Variants in GSG1L observed in about 807,000 individuals in gnomAD.
GSG1L encodes the protein GSG1 like, also known as germ cell-specific gene 1-like protein.
Under a neutral mutation model 42.1 loss-of-function variants are expected in GSG1L, and 24 were observed. The observed-to-expected ratio is 0.57, with a 90% CI of 0.41 to 0.80. GSG1L has a LOEUF of 0.80. Among genes scored for constraint, GSG1L ranks in the 30% least tolerant of loss-of-function variants. GSG1L has a pLI of 0.00. For missense variants in GSG1L, 445 were observed against 472.2 expected (o/e 0.94, Z 0.53); for synonymous variants, 215 against 203.5 (o/e 1.06, Z -0.48).
At chr16:27,871,248 C>G (rs2083816766) in intron 3 of GSG1L, among the ~76,000 whole-genome samples, 1 of 152,184 alleles carries the variant, frequency 6.6e-6, no homozygotes, top group African/African-American at 2.4e-5. Flanking sequence ...CCACAATGCA[C>G]AGGCCAGCCC....
At chr16:27,840,033 T>G (rs1029019252) in intron 4 of GSG1L, among the ~76,000 whole-genome samples, 7 of 14,760 alleles carry the variant, frequency 4.7e-4, no homozygotes, top group African/African-American at 1.1e-3. Context: ...AACCTTAATC[T>G]TTTTTTTTTT....
chr16:27,987,687 G>A (rs536928678), intron 1 of GSG1L, among the ~76,000 whole-genome samples: 37 of 152,300 alleles, frequency 2.4e-4, no homozygotes, highest in African/African-American at 8.2e-4. Flanking sequence ...GGTGGCTCAC[G>A]CCTGTAATCC....
In GSG1L at chr16:27,876,218, G is replaced by A. The variant is rs554117588; in HGVS notation, c.550+8268C>T. On this transcript the variant is annotated intron_variant, in intron 3 of 6. Transcript: ENST00000447459. Reference sequence around the variant, plus strand: ...AACTGAACAGAAGGGGTTATGGGTGGGGGATTCTTTCAGCACAGGTGAAGG... The same window carrying A: ...AACTGAACAGAAGGGGTTATGGGTGAGGGATTCTTTCAGCACAGGTGAAGG... Among the ~76,000 whole-genome samples, 4 of 152,300 alleles carry A rather than the reference G, an allele frequency of 2.6e-5. No homozygotes were observed. The East Asian group carries it at 7.7e-4, about 29-fold the overall frequency.
At chr16:27,853,448 T>G (rs1406895972) in intron 3 of GSG1L, among the ~76,000 whole-genome samples, 1 of 152,182 alleles carries the variant, frequency 6.6e-6, no homozygotes, top group East Asian at 1.9e-4. Context: ...CGCTCCAATT[T>G]AAGCTAATTT....
At chr16:27,876,161 T>C (rs1476036773) in intron 3 of GSG1L, among the ~76,000 whole-genome samples, 1 of 152,202 alleles carries the variant, frequency 6.6e-6, no homozygotes, top group East Asian at 1.9e-4. Context: ...CTCTAAGCTA[T>C]GAGCAAGAAA....
intron 3 of GSG1L, among the ~76,000 whole-genome samples, chr16:27,870,041 TTC>T (rs1219290833): frequency 3.8e-5 from 5 of 132,992 alleles, no homozygotes; most frequent in Non-Finnish European, 3.2e-5. Context: ...CTCTGTCTCC[TTC>T]TCTCTCTCTG....
intron 1 of GSG1L, among the ~76,000 whole-genome samples, chr16:27,986,436 G>C (rs1486873394): frequency 6.6e-6 from 1 of 151,016 alleles, no homozygotes; most frequent in Non-Finnish European, 1.5e-5. Flanking sequence ...AACTCGGGAG[G>C]TGGAGGCTGC....
At chr16:28,031,533 T>C (rs2141175749) in intron 1 of GSG1L, among the ~76,000 whole-genome samples, 1 of 152,256 alleles carries the variant, frequency 6.6e-6, no homozygotes. Flanking sequence ...ACATTATTAT[T>C]TGCACTCACC....
rs763603749 is a variant in GSG1L, at chr16:28,054,450, G to A, written c.349+8626C>T. Among the ~76,000 whole-genome samples, 195 of 152,178 alleles carry A rather than the reference G, an allele frequency of 1.3e-3. 1 individual carries two copies. The highest frequency in any genetic ancestry group is 2.4e-3 in the Non-Finnish European group (166 of 67,998). The stretch of plus-strand genomic sequence containing the variant: ...TGGAGACCAGCCTGGCCAACATGGT[G>A]AAACTCCGTCTCTACTAAAAATACA... On this transcript the variant is annotated intron_variant, in intron 1 of 6. Coordinates refer to ENST00000447459, the MANE Select transcript of GSG1L (RefSeq NM_001109763.2).
chr16:28,032,759 C>G (rs527969838), intron 1 of GSG1L, among the ~76,000 whole-genome samples: 9 of 152,310 alleles, frequency 5.9e-5, no homozygotes, highest in African/African-American at 1.7e-4. Flanking sequence ...CTCTTCCCCT[C>G]TCACTCCACA....
intron 3 of GSG1L, among the ~76,000 whole-genome samples, chr16:27,859,089 G>C (rs1399699611): frequency 6.6e-6 from 1 of 152,006 alleles, no homozygotes; most frequent in Non-Finnish European, 1.5e-5. Flanking sequence ...TGGGACTGTT[G>C]CTATGAGGAG....
chr16:28,022,248 G>C (rs1213244569), intron 1 of GSG1L, among the ~76,000 whole-genome samples: 1 of 152,142 alleles, frequency 6.6e-6, no homozygotes, highest in African/African-American at 2.4e-5. Context: ...TTTGACCTCA[G>C]AGGTGATTAC....
chr16:27,979,184 C>T (rs79837543), intron 1 of GSG1L, among the ~76,000 whole-genome samples: 30,183 of 151,870 alleles, frequency 0.2, 3,172 homozygotes, highest in East Asian at 0.41. Context: ...CATGGTGGCT[C>T]ATGCTTGTAG....
In GSG1L at chr16:27,960,791, G is replaced by A. The variant is rs149427863; in HGVS notation, c.397+2365C>T. ...AGAGCTACAGTGTTTGAGAGACAGC[G>A]AGTACGTGAAAATCATTCAGCACCT... On this transcript the variant is annotated intron_variant, in intron 2 of 6. Coordinates refer to ENST00000447459, the MANE Select transcript of GSG1L (RefSeq NM_001109763.2). 1.1e-3 allele frequency among the ~76,000 whole-genome samples: 174 copies of A among 152,190 alleles called. 1 individual carries two copies. Among genetic ancestry groups the A allele is most frequent in the African/African-American group, 3.8e-3 (159 of 41,540 alleles).
chr16:28,038,767 C>T (rs752193136), intron 1 of GSG1L, among the ~76,000 whole-genome samples: 2 of 152,186 alleles, frequency 1.3e-5, no homozygotes, highest in African/African-American at 4.8e-5. Context: ...AAACCTGGCA[C>T]GTTATACCAG....
chr16:27,840,822 G>A (rs1352212142), intron 4 of GSG1L, among the ~76,000 whole-genome samples: 1 of 152,124 alleles, frequency 6.6e-6, no homozygotes, highest in East Asian at 1.9e-4. Flanking sequence ...TCCAGGCTGT[G>A]TGAAGCCCCT....
intron 1 of GSG1L, among the ~76,000 whole-genome samples, chr16:28,030,495 G>A (rs2085945191): frequency 6.6e-6 from 1 of 152,214 alleles, no homozygotes; most frequent in Admixed American, 6.5e-5. Context: ...GAGACAGACA[G>A]AAGGACAATG....
intron 2 of GSG1L, among the ~76,000 whole-genome samples, chr16:27,895,926 A>T (rs773920220): frequency 6.6e-6 from 1 of 152,144 alleles, no homozygotes; most frequent in South Asian, 2.1e-4. Flanking sequence ...AGGCCTGGAG[A>T]TGACTGTTTT....
At chr16:27,944,343 C>T (rs551791775) in intron 2 of GSG1L, among the ~76,000 whole-genome samples, 4 of 151,966 alleles carry the variant, frequency 2.6e-5, no homozygotes, top group African/African-American at 9.7e-5. Flanking sequence ...AGGAATGGGC[C>T]GGGTGTGGTG....
Sources: gnomAD v4.1 joint callset for allele counts (sites outside exome capture counted in the v4.1 genomes callset) on GRCh38, gnomAD v4.1.1 for gene constraint, MANE v1.5 for transcripts, NCBI Gene and HGNC (gene_info 2026-07-23, HGNC 2026-07-21) for gene names.